Variants in PLCB1 observed in about 807,000 individuals in gnomAD.
PLCB1 encodes the protein phospholipase C beta 1.
PLCB1 carries 46 observed loss-of-function variants against 161.8 expected under a neutral mutation model. That is an observed-to-expected ratio of 0.28 (90% CI 0.22 to 0.36). PLCB1 has a LOEUF of 0.36. PLCB1 is among the 10% of genes least tolerant of loss of function. The probability of loss-of-function intolerance (pLI) is 1.00; values close to 1 mark genes in which losing one functional copy is unlikely to be tolerated. For synonymous variants in PLCB1, 517 were observed against 503.7 expected (o/e 1.03, Z -0.35); for missense variants, 1,016 against 1,472.5 (o/e 0.69, Z 5.07).
chr20:8,770,706 T>G (rs905925078), intron 26 of PLCB1, among the ~76,000 whole-genome samples: 11 of 152,128 alleles, frequency 7.2e-5, no homozygotes. Context: ...CATAGGTAGA[T>G]AAGAGACAAA....
intron 22 of PLCB1, among the ~76,000 whole-genome samples, chr20:8,741,246 T>C (rs1344739490): frequency 6.6e-6 from 1 of 152,224 alleles, no homozygotes; most frequent in Non-Finnish European, 1.5e-5. Context: ...CCCTTGTCCA[T>C]GTTCAAAGTG....
intron 31 of PLCB1, among the ~76,000 whole-genome samples, chr20:8,833,113 G>A (rs777451981): frequency 6.6e-6 from 1 of 152,130 alleles, no homozygotes; most frequent in South Asian, 2.1e-4. Context: ...CTTCCATGTG[G>A]GCCCTAAATC....
Position 8,717,815 on chromosome 20 carries a change from T to A in PLCB1, c.1480T>A (p.Ser494Thr). Reference sequence around the variant, plus strand: ...AGCCTCCAACACCTACAGTGACTCCTCCAGCATGTTCGAGCCCTCATCCCC... The same window carrying A: ...AGCCTCCAACACCTACAGTGACTCCACCAGCATGTTCGAGCCCTCATCCCC... ...EQASNTYSDS[S>T]SMFEPSSPGA... The change falls in exon 14 of 32, where the codon TCC becomes ACC. Residue 494 changes from serine to threonine, a missense_variant. By Grantham distance (58) the Ser-to-Thr change is moderately conservative. This residue lies in a region of PLCB1 where 109 missense variants were observed against 129.7 expected (regional missense o/e 0.84). Transcript: ENST00000338037. 6.2e-7 allele frequency: 1 copy of A among 1,612,422 alleles called. No homozygotes were observed. The highest frequency in any genetic ancestry group is 8.5e-7 in the Non-Finnish European group (1 of 1,179,546).
At chr20:8,353,237 C>G (rs1346371040) in intron 2 of PLCB1, among the ~76,000 whole-genome samples, 1 of 151,976 alleles carries the variant, frequency 6.6e-6, no homozygotes, top group Non-Finnish European at 1.5e-5. Flanking sequence ...AAAGCTGGAA[C>G]AATTTAAGCA....
At chr20:8,526,929 T>C (rs1337565304) in intron 3 of PLCB1, among the ~76,000 whole-genome samples, 1 of 138,626 alleles carries the variant, frequency 7.2e-6, no homozygotes, top group Non-Finnish European at 1.6e-5. Context: ...CTCCAGCTTT[T>C]AATAAAGAGC....
At chr20:8,667,011 T>TAA (rs1354566641) in intron 9 of PLCB1, among the ~76,000 whole-genome samples, 1 of 152,192 alleles carries the variant, frequency 6.6e-6, no homozygotes, top group Non-Finnish European at 1.5e-5. Context: ...CTGACTAGTT[T>TAA]AAAGATCTGC....
intron 3 of PLCB1, among the ~76,000 whole-genome samples, chr20:8,535,105 TAAAAAA>T (rs10560220): frequency 2.8e-5 from 3 of 108,316 alleles, no homozygotes; most frequent in African/African-American, 3.4e-5. Context: ...AGTTTTAAAG[TAAAAAA>T]AAAAAAAAAA....
rs2295180 is a variant in PLCB1 at position 8,697,907 on chromosome 20, C to T, written c.1167+124C>T. On this transcript the variant is annotated intron_variant, in intron 11 of 31. Transcript: ENST00000338037. ...GTCCAAAGGCTGTTAATCATCTTTG[C>T]AATTTCAGAGGCTAAAATTTGGCTG... 0.12 allele frequency: 95,021 copies of T among 804,698 alleles called. 7,397 individuals carry two copies. Among genetic ancestry groups the T allele is most frequent in the East Asian group, 0.34 (12,237 of 35,970 alleles). The allele number at this position is 804,698 out of a possible 1,614,324, so 49.8% of individuals were successfully genotyped here.
intron 31 of PLCB1, among the ~76,000 whole-genome samples, chr20:8,880,719 C>T (rs188383268): frequency 3.2e-3 from 489 of 152,216 alleles, no homozygotes; most frequent in African/African-American, 0.011. Context: ...TTCCCCCAGC[C>T]AGGTTCATGG....
chr20:8,819,461 T>C (rs1985232548), intron 31 of PLCB1, among the ~76,000 whole-genome samples: 1 of 152,234 alleles, frequency 6.6e-6, no homozygotes, highest in African/African-American at 2.4e-5. Flanking sequence ...GGAAGGTTTT[T>C]CTTTACCAAT....
chr20:8,640,450 G>T (rs139404030), intron 4 of PLCB1, among the ~76,000 whole-genome samples: 1 of 152,138 alleles, frequency 6.6e-6, no homozygotes, highest in East Asian at 1.9e-4. Context: ...TACAGACCCC[G>T]CTTACATTTA....
chr20:8,629,900 TTCTTTCTCTTTCCTTTCTTTCCTC>T (rs1988503671), intron 4 of PLCB1, among the ~76,000 whole-genome samples: 2 of 141,856 alleles, frequency 1.4e-5, no homozygotes, highest in Non-Finnish European at 3.1e-5. Flanking sequence ...TTTTCTTTCT[TTCTTTCTCTTTCCTTTCTTTCCTC>T]TCTTCTTTCC....
At chr20:8,399,405 AC>A (rs1257010485) in intron 3 of PLCB1, among the ~76,000 whole-genome samples, 1 of 151,926 alleles carries the variant, frequency 6.6e-6, no homozygotes, top group Non-Finnish European at 1.5e-5. Context: ...TAAAATACTT[AC>A]CTTTTTCATA....
At chr20:8,407,438 T>A (rs897905879) in intron 3 of PLCB1, among the ~76,000 whole-genome samples, 8 of 152,190 alleles carry the variant, frequency 5.3e-5, no homozygotes, top group African/African-American at 1.9e-4. Flanking sequence ...TAATTGGACT[T>A]ACAGTTCTAC....
At chr20:8,224,176 C>T (rs1283794793) in intron 2 of PLCB1, among the ~76,000 whole-genome samples, 3 of 152,090 alleles carry the variant, frequency 2.0e-5, no homozygotes, top group Non-Finnish European at 4.4e-5. Flanking sequence ...GCTTCTGAGC[C>T]AGGTAGATGT....
At chr20:8,773,075 A>C (rs138898563) in intron 26 of PLCB1, among the ~76,000 whole-genome samples, 216 of 152,154 alleles carry the variant, frequency 1.4e-3, no homozygotes, top group Non-Finnish European at 2.4e-3. Context: ...GCAAAAAGAA[A>C]CTTGAGAAAA....
intron 3 of PLCB1, among the ~76,000 whole-genome samples, chr20:8,572,055 G>T (rs571693595): frequency 6.6e-6 from 1 of 151,850 alleles, no homozygotes; most frequent in South Asian, 2.1e-4. Context: ...TGTTTATTAC[G>T]AGTTTTAACA....
intron 3 of PLCB1, among the ~76,000 whole-genome samples, chr20:8,551,992 CT>C (rs1665108129): frequency 6.6e-6 from 1 of 152,246 alleles, no homozygotes. Context: ...TAAATCCAGG[CT>C]TGTGTAAGAC....
chr20:8,469,620 T>G (rs1198843311), intron 3 of PLCB1, among the ~76,000 whole-genome samples: 1 of 152,124 alleles, frequency 6.6e-6, no homozygotes. Flanking sequence ...ATTGAAATAC[T>G]TGAAGAAAAG....
Sources: allele counts gnomAD v4.1 joint callset (sites outside exome capture counted in the v4.1 genomes callset), GRCh38; gene constraint gnomAD v4.1.1; regional missense constraint gnomAD v4.1.1; transcripts MANE v1.5; gene names NCBI Gene and HGNC (gene_info 2026-07-23, HGNC 2026-07-21).